NTRK2: variants seen among roughly 807,000 people sequenced by gnomAD.
NTRK2 encodes BDNF/NT-3 growth factors receptor.
Under a neutral mutation model 94.5 loss-of-function variants are expected in NTRK2, and 13 were observed. The observed-to-expected ratio is 0.14, with a 90% confidence interval of 0.09 to 0.22. The LOEUF (loss-of-function observed/expected upper bound fraction) is 0.22. Ranked by LOEUF, NTRK2 falls within the 10% of genes least tolerant of loss-of-function variation. The pLI, the probability that NTRK2 is intolerant of heterozygous loss-of-function variation, is 1.00. For synonymous variants in NTRK2, 372 were observed against 407.4 expected, an observed-to-expected ratio of 0.91 and a Z score of 1.05; for missense variants, 639 against 1,071.2, an observed-to-expected ratio of 0.60 and a Z score of 5.63.
At position 84,936,101 on chromosome 9, in the gene NTRK2, G is replaced by A. The variant is rs371295373; in HGVS notation, c.1764+1809G>A. Among the ~76,000 whole-genome samples, 27 of 152,264 alleles carry A rather than the reference G, an allele frequency of 1.8e-4. No homozygotes were observed. In the East Asian group the frequency reaches 4.8e-3, roughly 27 times the overall value. ...GTGTCACAAGATGGACTCTTTGAAT[G>A]TAAAGAAATCCTGGGAGACTAGGGA... is the stretch of plus-strand genomic sequence containing the variant. On this transcript the variant is annotated intron_variant, in intron 15 of 18. Coordinates refer to ENST00000277120, the MANE Select transcript of NTRK2 (RefSeq NM_006180.6).
intron 2 of NTRK2, among the ~76,000 whole-genome samples, chr9:84,684,130 C>A (rs534584678): frequency 6.7e-6 from 1 of 150,114 alleles, no homozygotes; most frequent in Admixed American, 6.6e-5. Flanking sequence ...AAAATTTTCT[C>A]CCATTCTGTA....
intron 12 of NTRK2, among the ~76,000 whole-genome samples, chr9:84,783,477 A>G (rs1391423972): frequency 1.3e-5 from 2 of 152,142 alleles, no homozygotes; most frequent in African/African-American, 2.4e-5. Flanking sequence ...TCACTTTCAG[A>G]TATGTGTCTG....
At chr9:84,861,217 T>C in intron 13 of NTRK2, 130 bp downstream of exon 13, 1 of 753,272 alleles carries the variant, frequency 1.3e-6, no homozygotes, top group Admixed American at 2.3e-5. Flanking sequence ...TTTTGATTTG[T>C]TGAAGAAGTA....
Position 84,829,607 on chromosome 9 carries a change from C to T in NTRK2, c.1397-31433C>T, listed in dbSNP as rs111548696. 1.8e-3 allele frequency among the ~76,000 whole-genome samples: 278 copies of T among 152,202 alleles called. 2 individuals carry two copies. The highest frequency in any genetic ancestry group is 6.4e-3 in the African/African-American group (266 of 41,524). On this transcript the variant is annotated intron_variant, in intron 12 of 18. Transcript: ENST00000277120. ...GTTGGCCTCTTAAGGGGCGATGTTC[C>T]GCCTGTTTGCATGCTGGGCCGTTGT...
At chr9:84,782,067 CAA>C (rs1317452538) in intron 12 of NTRK2, among the ~76,000 whole-genome samples, 3 of 150,084 alleles carry the variant, frequency 2.0e-5, no homozygotes, top group African/African-American at 4.9e-5. Context: ...CACACACACA[CAA>C]ACACACACAC....
chr9:84,785,438 C>A lies in NTRK2; in HGVS notation c.1396+33353C>A, dbSNP rs56794071. 9.0e-3 allele frequency among the ~76,000 whole-genome samples: 1,370 copies of A among 152,252 alleles called. 23 individuals carry two copies. The highest frequency in any genetic ancestry group is 0.031 in the African/African-American group (1,278 of 41,536). On this transcript the variant is annotated intron_variant, in intron 12 of 18. Transcript: ENST00000277120. ...GTTTGAGGTGAGCCTGCTATATGTA[C>A]ATGTGGAGAAAGAAGTGTGGTTATA...
chr9:84,822,837 C>A (rs1450682167), intron 12 of NTRK2, among the ~76,000 whole-genome samples: 2 of 152,182 alleles, frequency 1.3e-5, no homozygotes, highest in African/African-American at 2.4e-5. Flanking sequence ...GCATTTGGTA[C>A]CCTTGGTCAA....
intron 15 of NTRK2, among the ~76,000 whole-genome samples, chr9:84,944,211 T>TCACACA (rs1226529948): frequency 4.8e-4 from 67 of 139,034 alleles, no homozygotes; most frequent in African/African-American, 1.7e-3. Context: ...TCTCTCTCTC[T>TCACACA]CTCTCACACA....
At chr9:84,845,867 A>G (rs1418748321) in intron 12 of NTRK2, among the ~76,000 whole-genome samples, 1 of 151,992 alleles carries the variant, frequency 6.6e-6, no homozygotes, top group African/African-American at 2.4e-5. Flanking sequence ...GGCAATCCCC[A>G]CTAAAGAATT....
intron 12 of NTRK2, among the ~76,000 whole-genome samples, chr9:84,799,413 A>G (rs944326999): frequency 6.6e-6 from 1 of 152,188 alleles, no homozygotes; most frequent in Non-Finnish European, 1.5e-5. Flanking sequence ...GAGAATTAAA[A>G]AACAAACAAG....
rs1554772373 is a variant in NTRK2 at position 84,939,067 on chromosome 9, A to AAAAAAAAAAAAAG, written c.1764+4779_1764+4780insAAAAAAAAGAAAA. On this transcript the variant is annotated intron_variant, in intron 15 of 18. Transcript: ENST00000277120. The stretch of plus-strand genomic sequence containing the variant: ...ACCCCAACTCAAAAAAAAAAAAAAA[A>AAAAAAAAAAAAAG]AAAAGAAAAGAAAAGAAAAAAAAAG... Among the ~76,000 whole-genome samples, 12 of 144,542 alleles carry AAAAAAAAAAAAAG rather than the reference A, an allele frequency of 8.3e-5. No homozygotes were observed. In the East Asian group the frequency reaches 1.0e-3, roughly 12 times the overall value. The allele number at this position is 144,542 out of a possible 152,430, so 94.8% of individuals were successfully genotyped here. A position where few individuals can be genotyped will look rare whatever the true frequency, so the allele number is the denominator to read the frequency against.
chr9:84,883,459 G>A (rs2076325605), intron 14 of NTRK2, among the ~76,000 whole-genome samples: 1 of 152,104 alleles, frequency 6.6e-6, no homozygotes, highest in Admixed American at 6.5e-5. Context: ...TGGTTTTGAG[G>A]GTATAGTAGC....
At chr9:84,752,523 A>G (rs1356095936) in intron 12 of NTRK2, among the ~76,000 whole-genome samples, 1 of 152,194 alleles carries the variant, frequency 6.6e-6, no homozygotes, top group African/African-American at 2.4e-5. Flanking sequence ...CCAGATCCTC[A>G]TTCTTTGAAA....
chr9:84,898,727 T>C (rs930806096), intron 14 of NTRK2, among the ~76,000 whole-genome samples: 1 of 151,954 alleles, frequency 6.6e-6, no homozygotes, highest in African/African-American at 2.4e-5. Flanking sequence ...TTCTCTTTTT[T>C]TTCCTCGCTC....
chr9:84,947,293 G>T (rs1031588234), intron 15 of NTRK2, among the ~76,000 whole-genome samples: 3 of 152,042 alleles, frequency 2.0e-5, no homozygotes, highest in Non-Finnish European at 4.4e-5. Flanking sequence ...AATGACATTG[G>T]GCCCTCCTGG....
At position 84,955,321 on chromosome 9, in the gene NTRK2, A is replaced by G. The variant is rs2132972928; in HGVS notation, c.1976A>G (p.Asn659Ser). The change falls in exon 17 of 19, where the codon AAC becomes AGC. Residue 659 changes from asparagine to serine, a missense_variant. Asn to Ser is a conservative substitution (Grantham distance 46). This residue lies in a region of NTRK2 where 343 missense variants were observed against 571.5 expected (regional missense o/e 0.60). Coordinates refer to ENST00000277120, the MANE Select transcript of NTRK2 (RefSeq NM_006180.6). ...GATGCCGTGCTGATGGCTGAGGGCA[A>G]CCCGCCCACGGAACTGACGCAGTCG... ...GPDAVLMAEG[N>S]PPTELTQSQM... 2 of 1,610,178 alleles carry G rather than the reference A, an allele frequency of 1.2e-6. No homozygotes were observed. The highest frequency in any genetic ancestry group is 1.7e-6 in the Non-Finnish European group (2 of 1,178,236).
At chr9:84,780,605 C>T (rs1043215341) in intron 12 of NTRK2, among the ~76,000 whole-genome samples, 2 of 152,152 alleles carry the variant, frequency 1.3e-5, no homozygotes, top group Non-Finnish European at 2.9e-5. Flanking sequence ...CAAGGTCCAG[C>T]TCTGCGCAAC....
At chr9:84,840,968 C>T (rs1459952188) in intron 12 of NTRK2, among the ~76,000 whole-genome samples, 2 of 152,158 alleles carry the variant, frequency 1.3e-5, no homozygotes, top group Non-Finnish European at 2.9e-5. Context: ...CTCCAGGCTG[C>T]TGCATTCTCT....
At chr9:84,863,771 A>C in intron 13 of NTRK2, among the ~76,000 whole-genome samples, 1 of 152,260 alleles carries the variant, frequency 6.6e-6, no homozygotes, top group Non-Finnish European at 1.5e-5. Flanking sequence ...CAGCACTTGA[A>C]TTAATATCCC....
Sources: allele counts gnomAD v4.1 joint callset (sites outside exome capture counted in the v4.1 genomes callset), GRCh38; gene constraint gnomAD v4.1.1; regional missense constraint gnomAD v4.1.1; transcripts MANE v1.5; gene names NCBI Gene and HGNC (gene_info 2026-07-23, HGNC 2026-07-21).